HMG20A: variants seen among roughly 807,000 people sequenced by gnomAD.
HMG20A encodes high mobility group 20A.
Under a neutral mutation model 43.9 loss-of-function variants are expected in HMG20A, and 17 were observed. That is an observed-to-expected ratio of 0.39 (90% CI 0.27 to 0.58). HMG20A has a LOEUF of 0.58. Ranked by LOEUF, HMG20A falls within the 20% of genes least tolerant of loss-of-function variation. The pLI is 0.59. For missense variants in HMG20A, 341 were observed against 438.2 expected, an observed-to-expected ratio of 0.78 and a Z score of 1.98; for synonymous variants, 132 against 147.5, an observed-to-expected ratio of 0.89 and a Z score of 0.76.
the HMG20A span, among the ~76,000 whole-genome samples, chr15:77,502,459 C>T: frequency 2.9e-4 from 44 of 152,184 alleles, no homozygotes; most frequent in Non-Finnish European, 5.9e-4. Flanking sequence ...TTCCTTGTCT[C>T]CTCCATTCAG....
intron 1 of HMG20A, among the ~76,000 whole-genome samples, chr15:77,445,239 G>C (rs2073660150): frequency 6.6e-6 from 1 of 152,166 alleles, no homozygotes; most frequent in Non-Finnish European, 1.5e-5. Flanking sequence ...TCTCTTCAGC[G>C]TTGTCTCACA....
At chr15:77,426,327 C>T (rs541091361) in intron 1 of HMG20A, among the ~76,000 whole-genome samples, 3 of 152,300 alleles carry the variant, frequency 2.0e-5, no homozygotes, top group African/African-American at 7.2e-5. Flanking sequence ...AAATAGCTTA[C>T]TGCTGACTGG....
chr15:77,500,709 C>T, the HMG20A span, among the ~76,000 whole-genome samples: 2 of 152,128 alleles, frequency 1.3e-5, no homozygotes, highest in Non-Finnish European at 2.9e-5. Context: ...GCTGGGATTA[C>T]AGGTGCCTAC....
intron 2 of HMG20A, among the ~76,000 whole-genome samples, chr15:77,461,958 GA>G (rs942621685): frequency 4.6e-5 from 7 of 152,136 alleles, no homozygotes; most frequent in African/African-American, 1.7e-4. Flanking sequence ...GATTGGCATT[GA>G]TTTCATAGCT....
At chr15:77,453,313 A>G (rs1270288788) in intron 1 of HMG20A, among the ~76,000 whole-genome samples, 3 of 152,220 alleles carry the variant, frequency 2.0e-5, no homozygotes, top group Non-Finnish European at 4.4e-5. Context: ...CAAATGCACA[A>G]TATGCATAAG....
chr15:77,448,173 C>T (rs1176940363), intron 1 of HMG20A, among the ~76,000 whole-genome samples: 3 of 152,178 alleles, frequency 2.0e-5, no homozygotes, highest in Non-Finnish European at 4.4e-5. Context: ...CAAATGATTT[C>T]CTTACTTTCC....
chr15:77,480,648 CAAT>C (rs1228767014), intron 9 of HMG20A, among the ~76,000 whole-genome samples: 1 of 146,198 alleles, frequency 6.8e-6, no homozygotes, highest in Non-Finnish European at 1.5e-5. Flanking sequence ...ATAAAATTCT[CAAT>C]AAGCAAAAAA....
the HMG20A span, among the ~76,000 whole-genome samples, chr15:77,514,330 A>G: frequency 2.0e-5 from 3 of 152,232 alleles, no homozygotes; most frequent in Non-Finnish European, 4.4e-5. Context: ...ATATAATTTC[A>G]TTTCTATGAA....
intron 1 of HMG20A, among the ~76,000 whole-genome samples, chr15:77,445,816 C>A (rs955842439): frequency 3.3e-5 from 5 of 152,196 alleles, no homozygotes; most frequent in Non-Finnish European, 5.9e-5. Flanking sequence ...GGAGGATTCA[C>A]ATCCTGGGTG....
the HMG20A span, among the ~76,000 whole-genome samples, chr15:77,515,666 G>C: frequency 1.3e-5 from 2 of 152,204 alleles, no homozygotes; most frequent in African/African-American, 4.8e-5. Context: ...TAAGCACACA[G>C]CTTGAAGGGT....
At chr15:77,498,959 T>C in the HMG20A span, among the ~76,000 whole-genome samples, 1 of 152,218 alleles carries the variant, frequency 6.6e-6, no homozygotes, top group Non-Finnish European at 1.5e-5. Context: ...TCCACCTTTA[T>C]TGGCTGGCAT....
chr15:77,478,144 T>C (rs1402097900), intron 7 of HMG20A, 151 bp from the exon 8 acceptor site: 13 of 670,000 alleles, frequency 1.9e-5, no homozygotes, highest in African/African-American at 3.6e-5. Context: ...ATTGCTGAAA[T>C]TGCTATCTGG....
At chr15:77,515,679 T>C in the HMG20A span, among the ~76,000 whole-genome samples, 1 of 152,146 alleles carries the variant, frequency 6.6e-6, no homozygotes, top group Admixed American at 6.5e-5. Flanking sequence ...TGAAGGGTGA[T>C]CACGAAGTGA....
At chr15:77,438,902 T>C (rs181686367) in intron 1 of HMG20A, among the ~76,000 whole-genome samples, 1 of 152,284 alleles carries the variant, frequency 6.6e-6, no homozygotes, top group Admixed American at 6.5e-5. Context: ...ACCATTCTCC[T>C]GCCTCAGCCT....
At chr15:77,468,634 T>C (rs2072779662) in intron 4 of HMG20A, among the ~76,000 whole-genome samples, 1 of 145,822 alleles carries the variant, frequency 6.9e-6, no homozygotes, top group South Asian at 2.1e-4. Context: ...CACTTGCATG[T>C]GTACACCCAG....
At chr15:77,509,438 A>G in the HMG20A span, among the ~76,000 whole-genome samples, 2 of 151,632 alleles carry the variant, frequency 1.3e-5, no homozygotes, top group Admixed American at 1.3e-4. Context: ...TATATTTTGT[A>G]GGGATGGGAT....
intron 1 of HMG20A, among the ~76,000 whole-genome samples, chr15:77,449,537 A>G (rs1487787838): frequency 6.6e-6 from 1 of 152,172 alleles, no homozygotes; most frequent in African/African-American, 2.4e-5. Context: ...TATGCATATC[A>G]AAGTCAGTTG....
chr15:77,512,069 T>C, the HMG20A span, among the ~76,000 whole-genome samples: 7 of 152,236 alleles, frequency 4.6e-5, no homozygotes, highest in Admixed American at 3.3e-4. Context: ...TGTGGAATAT[T>C]ACTCAGTCTT....
chr15:77,433,363 T>G (rs1486880525), intron 1 of HMG20A, among the ~76,000 whole-genome samples: 2 of 145,798 alleles, frequency 1.4e-5, no homozygotes, highest in Non-Finnish European at 3.1e-5. Flanking sequence ...AAAAAAAAAT[T>G]TCTTCAAAGA....
Sources: allele counts gnomAD v4.1 joint callset (sites outside exome capture counted in the v4.1 genomes callset), GRCh38; gene constraint gnomAD v4.1.1; transcripts MANE v1.5; gene names NCBI Gene and HGNC (gene_info 2026-07-23, HGNC 2026-07-21).